MRPL52: variants seen among roughly 807,000 people sequenced by gnomAD.
The protein encoded by MRPL52 is mitochondrial ribosomal protein L52.
In MRPL52, 19 loss-of-function variants were observed where a neutral mutation model predicts 22.1. The observed-to-expected ratio is 0.86, with a 90% CI of 0.60 to 1.26. The LOEUF is 1.26. Among genes scored for constraint, MRPL52 ranks in the 50% most tolerant of loss-of-function variants. The pLI, the probability that MRPL52 is intolerant of heterozygous loss-of-function variation, is 0.00. For missense variants in MRPL52, 152 were observed against 148.1 expected (o/e 1.03, Z -0.14); for synonymous variants, 50 against 57.5 (o/e 0.87, Z 0.59).
chr14:22,833,320 G>A, intron 3 of MRPL52, 98 bp from the exon 4 acceptor site: 2 of 764,120 alleles, frequency 2.6e-6, no homozygotes, highest in Non-Finnish European at 4.7e-6. Context: ...GAAGAGAGGA[G>A]CTAGAGATTG....
intron 3 of MRPL52, chr14:22,830,707 C>T (rs993616660): frequency 2.9e-5 from 12 of 417,848 alleles, no homozygotes; most frequent in Admixed American, 1.2e-4. Flanking sequence ...TCAGAAAATT[C>T]TTTTACCTTT....
chr14:22,833,474 A>C lies in MRPL52; in HGVS notation c.211A>C (p.Thr71Pro). Residue 71 changes from threonine to proline, a missense_variant, in exon 4 of 5, where the codon ACG becomes CCG. Physicochemically the swap from Thr to Pro is conservative, Grantham distance 38. Transcript: ENST00000397496. ...GCTTCGAAGAAAAGCTGAAAGGGAG[A>C]CGTTTGCAGTGAGTGGTTAGAGCAA... The part of the protein sequence containing the change: ...GQLRRKAERE[T>P]FARRVVLLSQ... The C allele has an allele frequency of 2.5e-6, 4 of 1,613,282 alleles. No homozygotes were observed. The highest frequency in any genetic ancestry group is 3.4e-6 in the Non-Finnish European group (4 of 1,179,228).
In MRPL52 at chr14:22,834,302, G is replaced by T; in HGVS notation, c.350G>T (p.Ser117Ile). 6.2e-7 allele frequency: 1 copy of T among 1,612,760 alleles called. No individual in the cohort carries two copies. Among genetic ancestry groups the T allele is most frequent in the Non-Finnish European group, 8.5e-7 (1 of 1,179,614 alleles). ...AAACCCAAAGGGGCTTCACTGAAGA[G>T]CCCACTTCCAAGTCAATAAAAAGCA... Reference protein sequence around the residue: ...ALKPKGASLKSPLPSQ With the variant: ...ALKPKGASLKIPLPSQ Residue 117 changes from serine to isoleucine, a missense_variant, in exon 5 of 5, where the codon AGC becomes ATC. Transcript: ENST00000397496.
chr14:22,831,246 G>A (rs2039612027), intron 3 of MRPL52: 7 of 486,404 alleles, frequency 1.4e-5, no homozygotes, highest in Non-Finnish European at 2.5e-5. Flanking sequence ...CCAAGTAGGT[G>A]GGACCACAGG....
chr14:22,834,398 A>T lies in MRPL52; in HGVS notation c.*77A>T, dbSNP rs1293026029. 1 of 1,472,644 alleles carries T rather than the reference A, an allele frequency of 6.8e-7. No individual in the cohort carries two copies. Among genetic ancestry groups the T allele is most frequent in the Non-Finnish European group, 9.1e-7 (1 of 1,102,540 alleles). The allele number at this position is 1,472,644 out of a possible 1,614,324, so 91.2% of individuals were successfully genotyped here. On this transcript the variant is annotated 3_prime_UTR_variant, in exon 5 of 5. Coordinates refer to ENST00000397496, the MANE Select transcript of MRPL52 (RefSeq NM_180982.3). Reference sequence around the variant, plus strand: ...CACCTAGATGCTTCATCCAGCCAGAAGATAGCCTTCACGTTCCCCATCTGT... The same window carrying T: ...CACCTAGATGCTTCATCCAGCCAGATGATAGCCTTCACGTTCCCCATCTGT...
chr14:22,831,562 A>G (rs55648471), intron 3 of MRPL52: 22,231 of 152,362 alleles, frequency 0.15, 1,763 homozygotes, highest in Non-Finnish European at 0.19. Flanking sequence ...GAAACAACCA[A>G]TGTAAAGCAT....
chr14:22,833,617 TTTTG>T (rs2039673868), intron 4 of MRPL52, 135 bp downstream of exon 4: 2 of 620,036 alleles, frequency 3.2e-6, no homozygotes, highest in African/African-American at 1.9e-5. Flanking sequence ...CAAAGGTTTT[TTTTG>T]TTTTTGTTTT....
chr14:22,832,550 C>T (rs928497775), intron 3 of MRPL52, among the ~76,000 whole-genome samples: 3 of 151,992 alleles, frequency 2.0e-5, no homozygotes, highest in African/African-American at 7.2e-5. Context: ...CCGTGTTAGC[C>T]AGGATGGTCT....
At position 22,833,424 on chromosome 14, in the gene MRPL52, G is replaced by A. The variant is rs138366764; in HGVS notation, c.161G>A (p.Arg54His). ...CTCTCACTTCTACTTGTAGATGGCCGCCCTGCTCCCCCAATGAAAGGCCAG... is the reference window on the plus strand; with the variant it reads ...CTCTCACTTCTACTTGTAGATGGCCACCCTGCTCCCCCAATGAAAGGCCAG... ...ELPDWSYADG[R>H]PAPPMKGQLR... Residue 54 changes from arginine (R) to histidine (H), a missense_variant, in exon 4 of 5, where the codon CGC becomes CAC. By Grantham distance (29) the Arg-to-His change is conservative. Coordinates refer to ENST00000397496, the MANE Select transcript of MRPL52 (RefSeq NM_180982.3). 4.2e-5 allele frequency: 68 copies of A among 1,612,428 alleles called. No individual in the cohort carries two copies. Among genetic ancestry groups the A allele is most frequent in the South Asian group, 8.8e-5 (8 of 91,054 alleles).
intron 3 of MRPL52, chr14:22,830,893 C>A: frequency 8.9e-7 from 1 of 1,118,302 alleles, no homozygotes; most frequent in Non-Finnish European, 1.3e-6. Flanking sequence ...AAATCCAGGA[C>A]TAGAACATAG....
chr14:22,831,612 C>T (rs531551580), intron 3 of MRPL52: 1 of 152,352 alleles, frequency 6.6e-6, no homozygotes, highest in African/African-American at 2.4e-5. Flanking sequence ...TGGTAAATAA[C>T]ACCTCTTCTC....
Position 22,830,124 on chromosome 14 carries a change from T to C in MRPL52, c.86+14T>C. 6.2e-7 allele frequency: 1 copy of C among 1,614,220 alleles called. No homozygotes were observed. The highest frequency in any genetic ancestry group is 8.5e-7 in the Non-Finnish European group (1 of 1,180,028). On this transcript the variant is annotated intron_variant, in intron 2 of 4. Transcript: ENST00000397496. ...GTGGCGACTACAGTGAGTCCTGGGATGAGGGCACCTGGGGGACCAGAAGCT... is the reference window on the plus strand; with the variant it reads ...GTGGCGACTACAGTGAGTCCTGGGACGAGGGCACCTGGGGGACCAGAAGCT...
Position 22,834,475 on chromosome 14 carries a change from T to G in MRPL52, c.*154T>G, listed in dbSNP as rs1341278972. 2 of 858,384 alleles carry G rather than the reference T, an allele frequency of 2.3e-6. No homozygotes were observed. Among genetic ancestry groups the G allele is most frequent in the Non-Finnish European group, 3.5e-6 (2 of 566,070 alleles). The allele number at this position is 858,384 out of a possible 1,614,324, so 53.2% of individuals were successfully genotyped here. On this transcript the variant is annotated 3_prime_UTR_variant, in exon 5 of 5. Coordinates refer to ENST00000397496, the MANE Select transcript of MRPL52 (RefSeq NM_180982.3). Reference sequence around the variant, plus strand: ...AAGAACAAGCTGTTAGATCACTGCCTGGGAGGCTTGGCTTAGTACTCTCAT... The same window carrying G: ...AAGAACAAGCTGTTAGATCACTGCCGGGGAGGCTTGGCTTAGTACTCTCAT...
At chr14:22,831,279 A>T in intron 3 of MRPL52, 14 of 365,254 alleles carry the variant, frequency 3.8e-5, no homozygotes, top group Admixed American at 1.4e-4. Context: ...TTCCTGGCTA[A>T]TTTTTTTTTT....
In MRPL52 at chr14:22,830,217, C is replaced by T. The variant is rs1181344870; in HGVS notation, c.117C>T (p.Tyr39=). ...GACTGGCTGCCAACCCCTCCGGCTACGGGCCCCTTACCGAGCTCCCAGACT... is the reference window on the plus strand; with the variant it reads ...GACTGGCTGCCAACCCCTCCGGCTATGGGCCCCTTACCGAGCTCCCAGACT... ...QQGLAANPSG[Y]GPLTELPDWS... The change falls in exon 3 of 5, where the codon TAC becomes TAT. Residue 39 remains tyrosine, a synonymous_variant. Coordinates refer to ENST00000397496, the MANE Select transcript of MRPL52 (RefSeq NM_180982.3). 7 of 1,614,230 alleles carry T rather than the reference C, an allele frequency of 4.3e-6. No individual in the cohort carries two copies. The highest frequency in any genetic ancestry group is 5.9e-6 in the Non-Finnish European group (7 of 1,180,026).
chr14:22,834,201 G>A lies in MRPL52; in HGVS notation c.249G>A (p.Met83Ile). ...GAGTTGTACTGCTGTCACAGGAAATGGACGCTGGATTACAAGCATGGCAGC... is the reference window on the plus strand; with the variant it reads ...GAGTTGTACTGCTGTCACAGGAAATAGACGCTGGATTACAAGCATGGCAGC... ...ARRVVLLSQE[M>I]DAGLQAWQLR... The change falls in exon 5 of 5, where the codon ATG becomes ATA. Residue 83 changes from methionine to isoleucine, a missense_variant. Coordinates refer to ENST00000397496, the MANE Select transcript of MRPL52 (RefSeq NM_180982.3). 2 of 1,614,166 alleles carry A rather than the reference G, an allele frequency of 1.2e-6. No homozygotes were observed. Among genetic ancestry groups the A allele is most frequent in the Non-Finnish European group, 1.7e-6 (2 of 1,180,028 alleles).
In MRPL52 at chr14:22,830,223, C is replaced by G; in HGVS notation, c.123C>G (p.Pro41=). 6.2e-7 allele frequency: 1 copy of G among 1,614,222 alleles called. No individual in the cohort carries two copies. The highest frequency in any genetic ancestry group is 8.5e-7 in the Non-Finnish European group (1 of 1,180,034). The change falls in exon 3 of 5, where the codon CCC becomes CCG. Residue 41 remains proline, a synonymous_variant. Transcript: ENST00000397496. The stretch of plus-strand genomic sequence containing the variant: ...CTGCCAACCCCTCCGGCTACGGGCC[C>G]CTTACCGAGCTCCCAGACTGGTCAT... ...GLAANPSGYG[P]LTELPDWSYA...
Position 22,834,152 on chromosome 14 carries a change from T to G in MRPL52, c.220-20T>G, listed in dbSNP as rs758058731. ...CTGAAGTCCCAGATGTTATCCACAC[T>G]GTTTTCCTGTCTGTTTCAGAGACGA... is the stretch of plus-strand genomic sequence containing the variant. On this transcript the variant is annotated intron_variant, in intron 4 of 4. Coordinates refer to ENST00000397496, the MANE Select transcript of MRPL52 (RefSeq NM_180982.3). 1.2e-6 allele frequency: 2 copies of G among 1,613,070 alleles called. No individual in the cohort carries two copies. Among genetic ancestry groups the G allele is most frequent in the South Asian group, 2.2e-5 (2 of 90,916 alleles).
chr14:22,831,126 T>TTTTTG (rs2039606747), intron 3 of MRPL52: 1 of 617,220 alleles, frequency 1.6e-6, no homozygotes, highest in African/African-American at 2.2e-5. Flanking sequence ...TTTTTTTTTT[T>TTTTTG]TTTTGAGATG....
Sources: gnomAD v4.1 joint callset for allele counts (sites outside exome capture counted in the v4.1 genomes callset) on GRCh38, gnomAD v4.1.1 for gene constraint, MANE v1.5 for transcripts, NCBI Gene and HGNC (gene_info 2026-07-23, HGNC 2026-07-21) for gene names.